Variants in CCSER2 observed in about 807,000 individuals in gnomAD.
The protein encoded by CCSER2 is serine-rich coiled-coil domain-containing protein 2.
A neutral mutation model predicts 92.3 loss-of-function variants in CCSER2; 46 were observed. That is an observed-to-expected ratio of 0.50 (90% CI 0.39 to 0.64). CCSER2 has a LOEUF of 0.64. Ranked by LOEUF, CCSER2 falls within the 30% of genes least tolerant of loss-of-function variation. The pLI is 0.00. For synonymous variants in CCSER2, 433 were observed against 431.4 expected (o/e 1.00, Z -0.04); for missense variants, 1,244 against 1,238.9 (o/e 1.00, Z -0.06).
At chr10:84,357,862 AC>A (rs1264672530) in intron 1 of CCSER2, among the ~76,000 whole-genome samples, 1 of 152,216 alleles carries the variant, frequency 6.6e-6, no homozygotes, top group African/African-American at 2.4e-5. Context: ...AGTTGCTGGC[AC>A]ATAATGGATG....
rs2131899599 is a variant in CCSER2, at chr10:84,517,050, G to A, written c.*2783G>A. 1 of 152,252 alleles carries A rather than the reference G, an allele frequency of 6.6e-6. No homozygotes were observed. The highest frequency in any genetic ancestry group is 2.1e-4 in the South Asian group (1 of 4,820). The allele number at this position is 152,252 out of a possible 1,614,324, so 9.4% of individuals were successfully genotyped here. On this transcript the variant is annotated 3_prime_UTR_variant, in exon 10 of 10. Coordinates refer to ENST00000372088, the MANE Select transcript of CCSER2 (RefSeq NM_001284240.2). ...AGATTTGGCTTGATCTGTGTTTATT[G>A]CTTCTATTAATGTAAATCAACTCTG...
rs532941894 is a variant in CCSER2, at chr10:84,425,004, A to G, written c.1706-727A>G. On this transcript the variant is annotated intron_variant, in intron 4 of 9. Transcript: ENST00000372088. Reference sequence around the variant, plus strand: ...ACACAATGTCTCCCTTGTGCAAAGTAACTCTCTTAGTGAGTGCTCAGATAT... The same window carrying G: ...ACACAATGTCTCCCTTGTGCAAAGTGACTCTCTTAGTGAGTGCTCAGATAT... 33 of 984,932 alleles carry G rather than the reference A, an allele frequency of 3.4e-5. No individual in the cohort carries two copies. The South Asian group carries it at 9.4e-4, about 28-fold the overall frequency. 61.0% of individuals were successfully genotyped at this position (984,932 alleles called of 1,614,324 possible).
At chr10:84,441,644 G>T (rs149734091) in intron 6 of CCSER2, among the ~76,000 whole-genome samples, 1 of 148,926 alleles carries the variant, frequency 6.7e-6, no homozygotes, top group African/African-American at 2.5e-5. Context: ...AGCATCTACT[G>T]AGTGAAGGTT....
chr10:84,498,656 A>G (rs1456959164), intron 9 of CCSER2, among the ~76,000 whole-genome samples: 1 of 152,212 alleles, frequency 6.6e-6, no homozygotes, highest in Non-Finnish European at 1.5e-5. Flanking sequence ...TTAATACAAT[A>G]TTATTTTTAA....
intron 8 of CCSER2, 73 bp downstream of exon 8, chr10:84,470,531 A>G: frequency 8.1e-7 from 1 of 1,240,254 alleles, no homozygotes. Context: ...ACTCTGAGCC[A>G]GAAGTAGAGT....
At chr10:84,455,837 A>G (rs1253270366) in intron 6 of CCSER2, 2 of 803,252 alleles carry the variant, frequency 2.5e-6, no homozygotes, top group Non-Finnish European at 4.4e-6. Context: ...ACTGGTTTTC[A>G]CTGTATATCC....
chr10:84,502,367 C>CTT lies in CCSER2; in HGVS notation c.2326-11062_2326-11061dup, dbSNP rs562377515. Among the ~76,000 whole-genome samples, 509 of 111,214 alleles carry CTT rather than the reference C, an allele frequency of 4.6e-3. 9 individuals are homozygous for CTT. The highest frequency in any genetic ancestry group is 6.2e-3 in the East Asian group (22 of 3,554). The allele number at this position is 111,214 out of a possible 152,430, so 73.0% of individuals were successfully genotyped here. On this transcript the variant is annotated intron_variant, in intron 9 of 9. Coordinates refer to ENST00000372088, the MANE Select transcript of CCSER2 (RefSeq NM_001284240.2). ...TCATTAAAAAGTTCTTTGATGACTT[C>CTT]TTTTTTTTTTTTTTTTTTTTTGAGA...
intron 1 of CCSER2, among the ~76,000 whole-genome samples, chr10:84,339,259 C>T (rs1268239846): frequency 6.6e-6 from 1 of 151,974 alleles, no homozygotes; most frequent in African/African-American, 2.4e-5. Flanking sequence ...CCACCTTGGC[C>T]TCCCAAAGTG....
chr10:84,466,795 A>G (rs936619094), intron 7 of CCSER2, among the ~76,000 whole-genome samples: 19 of 151,704 alleles, frequency 1.3e-4, no homozygotes, highest in African/African-American at 4.6e-4. Context: ...TTACAGGCGT[A>G]AGCCACCGCG....
intron 5 of CCSER2, among the ~76,000 whole-genome samples, chr10:84,431,479 G>A (rs1261229014): frequency 6.6e-6 from 1 of 152,078 alleles, no homozygotes; most frequent in African/African-American, 2.4e-5. Flanking sequence ...AGTGGCTCAT[G>A]CCTGCAGTCT....
chr10:84,410,606 G>A (rs572731084), intron 3 of CCSER2, among the ~76,000 whole-genome samples: 1 of 152,188 alleles, frequency 6.6e-6, no homozygotes, highest in African/African-American at 2.4e-5. Context: ...GTTTTATTGG[G>A]ATTGTTTGCT....
In CCSER2 at chr10:84,393,363, G is replaced by A. The variant is rs566048631; in HGVS notation, c.1614+19548G>A. 3.9e-5 allele frequency among the ~76,000 whole-genome samples: 6 copies of A among 152,236 alleles called. No homozygotes were observed. In the South Asian group the frequency reaches 1.0e-3, roughly 26 times the overall value. On this transcript the variant is annotated intron_variant, in intron 3 of 9. Transcript: ENST00000372088. ...TTACGTGGTAAAAGATGTGTAAAAG[G>A]CTGCGTAAATGTCAGTTGGCACATA...
intron 9 of CCSER2, among the ~76,000 whole-genome samples, chr10:84,500,651 G>T (rs1436841527): frequency 3.3e-5 from 5 of 152,062 alleles, no homozygotes; most frequent in Admixed American, 6.6e-5. Flanking sequence ...TTTGTTTTAT[G>T]TACTTAAGTA....
chr10:84,460,154 G>A (rs1813809), intron 6 of CCSER2, among the ~76,000 whole-genome samples: 30,268 of 144,772 alleles, frequency 0.21, 3,382 homozygotes, highest in Admixed American at 0.34. Flanking sequence ...CGGGGGTGCA[G>A]TCTTGGTTCA....
At chr10:84,428,313 A>G (rs889042270) in intron 5 of CCSER2, among the ~76,000 whole-genome samples, 4 of 152,134 alleles carry the variant, frequency 2.6e-5, no homozygotes, top group African/African-American at 4.8e-5. Flanking sequence ...GGGGTGTTCA[A>G]CCTAGATCCC....
rs1039854099 is a variant in CCSER2 at position 84,372,589 on chromosome 10, A to G, written c.1417+120A>G. ...ATCAGTTTCACGGAGGGATAGATCTAGACAAAATTGAGGTGGGTTAACGTT... is the reference window on the plus strand; with the variant it reads ...ATCAGTTTCACGGAGGGATAGATCTGGACAAAATTGAGGTGGGTTAACGTT... On this transcript the variant is annotated intron_variant, in intron 2 of 9. Coordinates refer to ENST00000372088, the MANE Select transcript of CCSER2 (RefSeq NM_001284240.2). The G allele has an allele frequency of 2.0e-5, 13 of 661,680 alleles. No individual in the cohort carries two copies. In the East Asian group the frequency reaches 3.4e-4, roughly 17 times the overall value. 41.0% of individuals were successfully genotyped at this position (661,680 alleles called of 1,614,324 possible). A position where few individuals can be genotyped will look rare whatever the true frequency, so the allele number is the denominator to read the frequency against.
At chr10:84,340,901 G>T (rs1294698468) in intron 1 of CCSER2, among the ~76,000 whole-genome samples, 1 of 152,006 alleles carries the variant, frequency 6.6e-6, no homozygotes, top group Non-Finnish European at 1.5e-5. Flanking sequence ...ACAAGAGAAG[G>T]TCCGAGTCCA....
intron 1 of CCSER2, among the ~76,000 whole-genome samples, chr10:84,362,345 G>T: frequency 6.6e-6 from 1 of 152,188 alleles, no homozygotes; most frequent in African/African-American, 2.4e-5. Flanking sequence ...GGTCAATATT[G>T]ACGTAGTTTG....
At chr10:84,468,930 T>G (rs777055877) in intron 7 of CCSER2, among the ~76,000 whole-genome samples, 5 of 152,202 alleles carry the variant, frequency 3.3e-5, no homozygotes, top group Non-Finnish European at 7.4e-5. Flanking sequence ...TTAATTACAT[T>G]GGGTATTTCA....
Sources: allele counts gnomAD v4.1 joint callset (sites outside exome capture counted in the v4.1 genomes callset), GRCh38; gene constraint gnomAD v4.1.1; transcripts MANE v1.5; gene names NCBI Gene and HGNC (gene_info 2026-07-23, HGNC 2026-07-21).